Variants in PSG6 observed in about 807,000 individuals in gnomAD.
The protein encoded by PSG6 is pregnancy specific beta-1-glycoprotein 6.
In PSG6, 51 loss-of-function variants were observed where a neutral mutation model predicts 43.3. The ratio of observed to expected loss-of-function variants is 1.18; its 90% CI spans 0.94 to 1.49. PSG6 has a LOEUF of 1.49. Among genes scored for constraint, PSG6 ranks in the 40% most tolerant of loss-of-function variants. PSG6 has a pLI of 0.00. For missense variants in PSG6, 770 were observed against 522.2 expected (o/e 1.47, Z -4.62); for synonymous variants, 292 against 197.6 (o/e 1.48, Z -4.01).
chr19:42,910,332 A>C (rs1454647057), intron 3 of PSG6: 9 of 1,003,180 alleles, frequency 9.0e-6, no homozygotes, highest in South Asian at 6.8e-5. Context: ...AGCCTGAGAC[A>C]TTCACCTGTT....
In PSG6 at chr19:42,907,006, T is replaced by C. The variant is rs768750502; in HGVS notation, c.1156A>G (p.Asn386Asp). Reference protein sequence around the residue: ...QKLFIPQITTNHSGLYACSVR... With the variant: ...QKLFIPQITTDHSGLYACSVR... ...GAGCAAGCATAGAGCCCGCTATGAT[T>C]TGTAGTAATTTGGGGGATAAAGAGC... The change falls in exon 5 of 6, where the codon AAT (asparagine) becomes GAT (aspartate). Residue 386 changes from asparagine to aspartate, a missense_variant. Transcript: ENST00000187910. 3.1e-6 allele frequency: 5 copies of C among 1,612,364 alleles called. No individual in the cohort carries two copies. The highest frequency in any genetic ancestry group is 4.2e-6 in the Non-Finnish European group (5 of 1,179,106).
chr19:42,904,271 T>A (rs1429465560), intron 5 of PSG6, among the ~76,000 whole-genome samples: 2 of 151,706 alleles, frequency 1.3e-5, no homozygotes, highest in Non-Finnish European at 2.9e-5. Context: ...GACACTTTTA[T>A]TCAACATAGT....
At chr19:42,910,183 A>G in intron 3 of PSG6, 1 of 342,924 alleles carries the variant, frequency 2.9e-6, no homozygotes, top group Non-Finnish European at 5.5e-6. Context: ...TGCGGAGCAA[A>G]GAGAATAATG....
In PSG6 at chr19:42,914,833, C is replaced by A. The variant is rs184056716; in HGVS notation, c.427+1292G>T. On this transcript the variant is annotated intron_variant, in intron 2 of 5. Transcript: ENST00000187910. ...GTGAGTGGGGAAAGAAAACAAGGTC[C>A]TCTCCTTGATCCTCTCATGACGGTG... 6.6e-5 allele frequency among the ~76,000 whole-genome samples: 10 copies of A among 150,956 alleles called. 1 individual carries two copies. In the South Asian group the frequency reaches 2.2e-3, roughly 33 times the overall value.
In PSG6 at chr19:42,907,829, G is replaced by T; in HGVS notation, c.732C>A (p.Thr244=). The T allele has an allele frequency of 6.2e-7, 1 of 1,611,678 alleles. No individual in the cohort carries two copies. Among genetic ancestry groups the T allele is most frequent in the Non-Finnish European group, 8.5e-7 (1 of 1,179,078 alleles). ...LLPKLPMPYI[T]INNLNPREKK... ...TCTCCCTGGGGTTTAAGTTGTTGATGGTGATGTAAGGCATGGGCAGCTTCG... is the reference window on the plus strand; with the variant it reads ...TCTCCCTGGGGTTTAAGTTGTTGATTGTGATGTAAGGCATGGGCAGCTTCG... Residue 244 remains threonine, a synonymous_variant, in exon 4 of 6, where the codon ACC becomes ACA. Transcript: ENST00000187910.
rs768904585 is a variant in PSG6 at position 42,902,213 on chromosome 19, C to T, written c.*199G>A. 91 of 647,430 alleles carry T rather than the reference C, an allele frequency of 1.4e-4. No individual in the cohort carries two copies. The highest frequency in any genetic ancestry group is 3.4e-4 in the Middle Eastern group (1 of 2,960). The allele number at this position is 647,430 out of a possible 1,614,324, so 40.1% of individuals were successfully genotyped here. A position where few individuals can be genotyped will look rare whatever the true frequency, so the allele number is the denominator to read the frequency against. On this transcript the variant is annotated 3_prime_UTR_variant, in exon 6 of 6. Transcript: ENST00000187910. ...TTTTTGTTTACAAAAGTATACTTTA[C>T]CAATTGCTGAAGAAAAAAAGTTCAT...
intron 4 of PSG6, 123 bp from the exon 5 acceptor site, chr19:42,907,299 A>G: frequency 1.3e-6 from 2 of 1,493,016 alleles, no homozygotes; most frequent in Non-Finnish European, 9.0e-7. Context: ...GCCAAATCCC[A>G]TCTATGTTTA....
chr19:42,912,934 C>A (rs1972254845), intron 2 of PSG6, among the ~76,000 whole-genome samples: 1 of 151,628 alleles, frequency 6.6e-6, no homozygotes, highest in South Asian at 2.1e-4. Context: ...TATGTGACAG[C>A]CTTTGTAGTT....
At chr19:42,908,835 G>A (rs1458859312) in intron 3 of PSG6, among the ~76,000 whole-genome samples, 1 of 151,638 alleles carries the variant, frequency 6.6e-6, no homozygotes. Flanking sequence ...ACTAATCTAG[G>A]GACCTCATGT....
In PSG6 at chr19:42,906,612, A is replaced by G. The variant is rs1252614494; in HGVS notation, c.1240+310T>C. On this transcript the variant is annotated intron_variant, in intron 5 of 5. Transcript: ENST00000187910. ...AAGGGGATGTGTTCGTGACAGCGAGAAGCAACTTGATCTTGAGGACTCTCC... is the reference window on the plus strand; with the variant it reads ...AAGGGGATGTGTTCGTGACAGCGAGGAGCAACTTGATCTTGAGGACTCTCC... 2.9e-6 allele frequency: 4 copies of G among 1,358,268 alleles called. 1 individual carries two copies. In the African/African-American group the frequency reaches 5.9e-5, roughly 20 times the overall value. 84.1% of individuals were successfully genotyped at this position (1,358,268 alleles called of 1,614,324 possible).
chr19:42,909,475 G>T (rs1972177977), intron 3 of PSG6, among the ~76,000 whole-genome samples: 1 of 151,464 alleles, frequency 6.6e-6, no homozygotes, highest in Middle Eastern at 3.2e-3. Flanking sequence ...TCTGGTAGGG[G>T]TTGCATTGAA....
At chr19:42,907,203 G>A (rs757061007) in intron 4 of PSG6, 27 bp from the exon 5 acceptor site, 5 of 1,603,334 alleles carry the variant, frequency 3.1e-6, no homozygotes, top group Non-Finnish European at 4.3e-6. Context: ...AAAGCCACAG[G>A]TGATGTCATC....
chr19:42,902,927 T>G (rs1407297217), intron 5 of PSG6, among the ~76,000 whole-genome samples: 1 of 151,726 alleles, frequency 6.6e-6, no homozygotes, highest in South Asian at 2.1e-4. Flanking sequence ...TGGAAAAAGG[T>G]AGGTACTGTT....
At position 42,912,932 on chromosome 19, in the gene PSG6, A is replaced by G. The variant is rs369604010; in HGVS notation, c.428-2074T>C. 1.8e-4 allele frequency among the ~76,000 whole-genome samples: 28 copies of G among 151,824 alleles called. 2 individuals carry two copies. In the East Asian group the frequency reaches 4.5e-3, roughly 24 times the overall value. On this transcript the variant is annotated intron_variant, in intron 2 of 5. Coordinates refer to ENST00000187910, the MANE Select transcript of PSG6 (RefSeq NM_001031850.4). ...AGTATTCCCGTTAAGTGTATGTGAC[A>G]GCCTTTGTAGTTGTCCCACAACTAC...
intron 2 of PSG6, among the ~76,000 whole-genome samples, chr19:42,912,602 G>A (rs1425540201): frequency 6.6e-6 from 1 of 151,800 alleles, no homozygotes; most frequent in Non-Finnish European, 1.5e-5. Flanking sequence ...TGTTATGTTA[G>A]TAAATATAGA....
At chr19:42,913,745 G>A (rs946310227) in intron 2 of PSG6, among the ~76,000 whole-genome samples, 1 of 151,556 alleles carries the variant, frequency 6.6e-6, no homozygotes, top group African/African-American at 2.4e-5. Flanking sequence ...TCTGACAACC[G>A]GCTGACCTCA....
intron 5 of PSG6, among the ~76,000 whole-genome samples, chr19:42,905,432 C>T (rs1477672654): frequency 6.6e-6 from 1 of 151,694 alleles, no homozygotes; most frequent in South Asian, 2.1e-4. Flanking sequence ...ACAGGTGTTT[C>T]CAAGTAGATG....
Position 42,907,109 on chromosome 19 carries a change from C to G in PSG6, c.1053G>C (p.Leu351Phe), listed in dbSNP as rs761178406. Residue 351 changes from leucine (L) to phenylalanine (F), a missense_variant, in exon 5 of 6, where the codon TTG becomes TTC. Coordinates refer to ENST00000187910, the MANE Select transcript of PSG6 (RefSeq NM_001031850.4). ...TYYRSGENLD[L>F]SCFADSNPPA... The stretch of plus-strand genomic sequence containing the variant: ...GTGGGTTAGAGTCCGCAAAGCAGGA[C>G]AAGTCGAGGTTTTCTCCTGAACGGT... The G allele has an allele frequency of 3.1e-6, 5 of 1,612,734 alleles. No individual in the cohort carries two copies. In the Admixed American group the frequency reaches 5.0e-5, roughly 16 times the overall value.
At position 42,916,452 on chromosome 19, in the gene PSG6, C is replaced by T. The variant is rs1004567319; in HGVS notation, c.100G>A (p.Ala34Thr). The stretch of plus-strand genomic sequence containing the variant: ...GGCTTGGCTTCAATTATTACTTGGG[C>T]AGTGGTGGGCAGGTTCCAGAAGTTT... ...LLNFWNLPTT[A>T]QVIIEAKPPK... Residue 34 changes from alanine (A) to threonine (T), a missense_variant, in exon 2 of 6, where the codon GCC becomes ACC. By Grantham distance (58) the Ala-to-Thr change is moderately conservative. Coordinates refer to ENST00000187910, the MANE Select transcript of PSG6 (RefSeq NM_001031850.4). 10 of 1,611,460 alleles carry T rather than the reference C, an allele frequency of 6.2e-6. No homozygotes were observed. Among genetic ancestry groups the T allele is most frequent in the Non-Finnish European group, 6.8e-6 (8 of 1,178,880 alleles).
Sources: gnomAD v4.1 joint callset for allele counts (sites outside exome capture counted in the v4.1 genomes callset) on GRCh38, gnomAD v4.1.1 for gene constraint, MANE v1.5 for transcripts, NCBI Gene and HGNC (gene_info 2026-07-23, HGNC 2026-07-21) for gene names.